The following SHF variants were observed in gnomAD, a reference collection of about 807,000 sequenced individuals.
SHF encodes the protein Src homology 2 domain containing F.
SHF carries 30 observed loss-of-function variants against 42.4 expected under a neutral mutation model. The ratio of observed to expected loss-of-function variants is 0.71; its 90% CI spans 0.53 to 0.96. The LOEUF (loss-of-function observed/expected upper bound fraction) is 0.96, where lower values mean the gene tolerates loss of function less well. Ranked by LOEUF, SHF falls within the 40% of genes least tolerant of loss-of-function variation. The probability of loss-of-function intolerance (pLI) is 0.00; values close to 1 mark genes in which losing one functional copy is unlikely to be tolerated. For synonymous variants in SHF, 264 were observed against 269.9 expected (o/e 0.98, Z 0.21); for missense variants, 598 against 634.0 (o/e 0.94, Z 0.61).
chr15:45,171,210 G>A (rs1471614452), intron 6 of SHF: 1 of 153,706 alleles, frequency 6.5e-6, no homozygotes, highest in African/African-American at 2.4e-5. Context: ...GGGCAGGGCT[G>A]GCCATGCTAC....
intron 2 of SHF, among the ~76,000 whole-genome samples, chr15:45,198,173 CT>C (rs1435870966): frequency 1.3e-5 from 2 of 152,050 alleles, no homozygotes; most frequent in Non-Finnish European, 1.5e-5. Context: ...ACTCAGTTGG[CT>C]GAGGCAGGAT....
upstream of SHF, among the ~76,000 whole-genome samples, chr15:45,191,299 C>T (rs548259378): frequency 1.3e-5 from 2 of 152,218 alleles, no homozygotes; most frequent in Non-Finnish European, 2.9e-5. Flanking sequence ...CCTCCCACCT[C>T]GGCCTCCCAA....
intron 1 of SHF, among the ~76,000 whole-genome samples, chr15:45,184,738 C>G (rs1042543602): frequency 2.6e-5 from 4 of 152,272 alleles, no homozygotes; most frequent in Non-Finnish European, 5.9e-5. Flanking sequence ...GGGCCCAGCT[C>G]TCTAGCCCCC....
exon 2 of SHF, chr15:45,199,033 C>G (rs777985516): frequency 5.0e-6 from 8 of 1,605,340 alleles, no homozygotes; most frequent in Non-Finnish European, 6.8e-6. Context: ...GGGTTCCGGT[C>G]CTACAGGGGG....
chr15:45,198,453 A>G (rs1898940847), intron 2 of SHF: 1 of 309,060 alleles, frequency 3.2e-6, no homozygotes. Flanking sequence ...GCATTACATG[A>G]GAGTTACTGT....
chr15:45,170,555 T>C (rs1897422667), intron 6 of SHF: 1 of 699,576 alleles, frequency 1.4e-6, no homozygotes, highest in Non-Finnish European at 2.1e-6. Context: ...ATTAAGTGAT[T>C]TCCCTAGGAT....
chr15:45,178,443 G>A, intron 1 of SHF, 137 bp from the exon 2 acceptor site: 1 of 1,068,784 alleles, frequency 9.4e-7, no homozygotes, highest in Non-Finnish European at 1.3e-6. Flanking sequence ...TCAAAGGAAG[G>A]CTCTGAGCTT....
chr15:45,177,288 C>A lies in SHF; in HGVS notation c.640+877G>T, dbSNP rs142983881. Reference sequence around the variant, plus strand: ...TGGCTCTTCTTTTGCAGGGTTCCCCCACTAGGCCTACTGAGTTGCCCAAGC... The same window carrying A: ...TGGCTCTTCTTTTGCAGGGTTCCCCAACTAGGCCTACTGAGTTGCCCAAGC... On this transcript the variant is annotated intron_variant, in intron 2 of 6. Coordinates refer to ENST00000690270, the MANE Select transcript of SHF (RefSeq NM_001394037.1). Among the ~76,000 whole-genome samples, 1,071 of 152,262 alleles carry A rather than the reference C, an allele frequency of 7.0e-3. 12 individuals are homozygous for A. The highest frequency in any genetic ancestry group is 0.023 in the African/African-American group (957 of 41,540).
chr15:45,198,225 G>A (rs1362122161), intron 2 of SHF, among the ~76,000 whole-genome samples: 1 of 152,056 alleles, frequency 6.6e-6, no homozygotes, highest in African/African-American at 2.4e-5. Flanking sequence ...AGTGAACCAA[G>A]ATCGCGCCAT....
In SHF at chr15:45,178,286, A is replaced by G. The variant is rs754658052; in HGVS notation, c.519T>C (p.Tyr173=). Residue 173 remains tyrosine, a synonymous_variant, in exon 2 of 7, where the codon TAT becomes TAC. Coordinates refer to ENST00000690270, the MANE Select transcript of SHF (RefSeq NM_001394037.1). ...SSDRLAILED[Y]ADPFDVQETG... is the part of the protein sequence containing the mutation. ...TCTCCTGAACATCAAACGGGTCCGC[A>G]TAGTCTTCTAGGATAGCTAGCTGTG... 6.2e-7 allele frequency: 1 copy of G among 1,613,882 alleles called. No homozygotes were observed. Among genetic ancestry groups the G allele is most frequent in the Non-Finnish European group, 8.5e-7 (1 of 1,179,842 alleles).
upstream of SHF, among the ~76,000 whole-genome samples, chr15:45,190,734 T>A (rs998144802): frequency 1.3e-4 from 19 of 151,542 alleles, no homozygotes; most frequent in African/African-American, 4.6e-4. Context: ...GGCATAGAGG[T>A]GGGAACCCGC....
intron 2 of SHF, among the ~76,000 whole-genome samples, chr15:45,177,532 G>A (rs1018682805): frequency 3.9e-5 from 6 of 152,186 alleles, no homozygotes; most frequent in Non-Finnish European, 5.9e-5. Flanking sequence ...ATGAAGCACT[G>A]CTCCGCCCCT....
Position 45,178,154 on chromosome 15 carries a change from C to T in SHF, c.640+11G>A. 1 of 1,611,184 alleles carries T rather than the reference C, an allele frequency of 6.2e-7. No individual in the cohort carries two copies. The highest frequency in any genetic ancestry group is 8.5e-7 in the Non-Finnish European group (1 of 1,179,420). On this transcript the variant is annotated intron_variant, in intron 2 of 6. Coordinates refer to ENST00000690270, the MANE Select transcript of SHF (RefSeq NM_001394037.1). Reference sequence around the variant, plus strand: ...GCCTCAGGGAGCACCTCCCCTGCCCCTGTCACTCACCGGCCATCATCTTTT... The same window carrying T: ...GCCTCAGGGAGCACCTCCCCTGCCCTTGTCACTCACCGGCCATCATCTTTT...
chr15:45,184,027 G>A (rs1009817580), intron 1 of SHF, among the ~76,000 whole-genome samples: 1 of 152,212 alleles, frequency 6.6e-6, no homozygotes, highest in Non-Finnish European at 1.5e-5. Context: ...AACATAAGCA[G>A]ACTGGATCTA....
chr15:45,186,553 G>A (rs189891698), intron 1 of SHF, among the ~76,000 whole-genome samples: 1 of 152,386 alleles, frequency 6.6e-6, no homozygotes, highest in Admixed American at 6.5e-5. Context: ...CACTCTGCCA[G>A]GGAGGGATAA....
At position 45,200,444 on chromosome 15, in the gene SHF, G is replaced by A. The variant is rs922096243; in HGVS notation, c.-47+283C>T. 1.7e-5 allele frequency: 4 copies of A among 239,268 alleles called. No homozygotes were observed. The East Asian group carries it at 3.6e-4, about 22-fold the overall frequency. The allele number at this position is 239,268 out of a possible 1,614,324, so 14.8% of individuals were successfully genotyped here. ...GACTCGGATTCGAACCGAGGTTGCT[G>A]CGGCCACAACGCAGAGTACTAACCA... On this transcript the variant is annotated intron_variant, in intron 1 of 7. Coordinates refer to the SHF transcript ENST00000290894.
Position 45,198,771 on chromosome 15 carries a change from C to A in SHF, c.303+1G>T, listed in dbSNP as rs776685198. The stretch of plus-strand genomic sequence containing the variant: ...TGCGCGTCATTAAATGGCCTACTTA[C>A]GGGGCGAGGTTCCAGCCTGTCCCTG... On this transcript the variant is annotated splice_donor_variant, in intron 2 of 7. Coordinates refer to the SHF transcript ENST00000290894. LOFTEE classifies it high-confidence loss of function. The A allele has an allele frequency of 1.9e-6, 3 of 1,606,698 alleles. No homozygotes were observed. Among genetic ancestry groups the A allele is most frequent in the African/African-American group, 2.7e-5 (2 of 74,816 alleles).
chr15:45,180,676 T>C (rs1320062868), intron 1 of SHF, among the ~76,000 whole-genome samples: 2 of 152,198 alleles, frequency 1.3e-5, no homozygotes, highest in African/African-American at 2.4e-5. Flanking sequence ...CTAACTCTTA[T>C]AGATTATTTC....
At chr15:45,189,749 G>GT, upstream of SHF, among the ~76,000 whole-genome samples, 1 of 70,814 alleles carries the variant, frequency 1.4e-5, no homozygotes, top group South Asian at 5.8e-4. Flanking sequence ...AGTTCAAAGC[G>GT]GGGGGTGTAA....
Sources: gnomAD v4.1 joint callset for allele counts (sites outside exome capture counted in the v4.1 genomes callset) on GRCh38, gnomAD v4.1.1 for gene constraint, MANE v1.5 for transcripts, NCBI Gene and HGNC (gene_info 2026-07-23, HGNC 2026-07-21) for gene names.